Variants in HFM1 observed in about 807,000 individuals in gnomAD.
HFM1 encodes probable ATP-dependent DNA helicase HFM1.
Under a neutral mutation model 192.1 loss-of-function variants are expected in HFM1, and 169 were observed. The ratio of observed to expected loss-of-function variants is 0.88; its 90% confidence interval spans 0.78 to 1.00. The LOEUF (loss-of-function observed/expected upper bound fraction) is 1.00. Among genes scored for constraint, HFM1 ranks in the 50% least tolerant of loss-of-function variants. The pLI is 0.00. For missense variants in HFM1, 1,661 were observed against 1,668.0 expected, an observed-to-expected ratio of 1.00 and a Z score of 0.07; for synonymous variants, 525 against 537.8, an observed-to-expected ratio of 0.98 and a Z score of 0.33.
At chr1:91,275,504 A>C (rs140661186) in intron 32 of HFM1, among the ~76,000 whole-genome samples, 4 of 152,144 alleles carry the variant, frequency 2.6e-5, no homozygotes, top group Admixed American at 2.0e-4. Context: ...CTCTAAATTC[A>C]GTGTTTCCCA....
At position 91,291,080 on chromosome 1, in the gene HFM1, A is replaced by C. The variant is rs998153774; in HGVS notation, c.3392-14018T>G. On this transcript the variant is annotated intron_variant, in intron 30 of 38. Coordinates refer to ENST00000370425, the MANE Select transcript of HFM1 (RefSeq NM_001017975.6). ...TGTAGAGGGAAATTTATAGCACTAA[A>C]TGCCCACAATAGAAAGCAGAAAAGA... Among the ~76,000 whole-genome samples the C allele has an allele frequency of 2.4e-4, 36 of 152,182 alleles. 1 individual carries two copies. Among genetic ancestry groups the C allele is most frequent in the African/African-American group, 8.7e-4 (36 of 41,434 alleles).
intron 30 of HFM1, among the ~76,000 whole-genome samples, chr1:91,290,355 G>A (rs535277559): frequency 6.6e-6 from 1 of 152,194 alleles, no homozygotes; most frequent in South Asian, 2.1e-4. Flanking sequence ...GATGGAGGAA[G>A]ATCTACCAAG....
rs112309857 is a variant in HFM1 at position 91,309,440 on chromosome 1, T to C, written c.3391+3909A>G. On this transcript the variant is annotated intron_variant, in intron 30 of 38. Coordinates refer to ENST00000370425, the MANE Select transcript of HFM1 (RefSeq NM_001017975.6). ...AAAATATAAAATAAAATGAAACAAA[T>C]GAAAGTATATGTATCCAGAGTGGCA... 2.1e-3 allele frequency among the ~76,000 whole-genome samples: 324 copies of C among 152,324 alleles called. 1 individual carries two copies. The highest frequency in any genetic ancestry group is 7.4e-3 in the African/African-American group (306 of 41,578).
intron 13 of HFM1, among the ~76,000 whole-genome samples, chr1:91,363,359 A>T (rs1658781351): frequency 6.7e-6 from 1 of 150,312 alleles, no homozygotes; most frequent in South Asian, 2.1e-4. Flanking sequence ...CAACCCCATT[A>T]AAAAGCGGGC....
chr1:91,272,035 T>C (rs1355923284), intron 34 of HFM1, among the ~76,000 whole-genome samples: 1 of 152,152 alleles, frequency 6.6e-6, no homozygotes, highest in Non-Finnish European at 1.5e-5. Context: ...TCTTCCCTTT[T>C]TGAAATTGGA....
At position 91,316,383 on chromosome 1, in the gene HFM1, A is replaced by G. The variant is rs373949493; in HGVS notation, c.2898+8T>C. 3.4e-6 allele frequency: 5 copies of G among 1,464,632 alleles called. No homozygotes were observed. The South Asian group carries it at 4.9e-5, about 14-fold the overall frequency. 90.7% of individuals were successfully genotyped at this position (1,464,632 alleles called of 1,614,324 possible). ...TAGATGGAATTAGGAATAAGTGAAT[A>G]TAACTACCAATTCAAGTTCCCTTGC... is the stretch of plus-strand genomic sequence containing the variant. On this transcript the variant is annotated splice_region_variant and intron_variant, in intron 26 of 38. Transcript: ENST00000370425.
intron 1 of HFM1, among the ~76,000 whole-genome samples, chr1:91,403,428 G>A (rs1002758375): frequency 3.9e-5 from 6 of 152,054 alleles, no homozygotes; most frequent in Admixed American, 3.3e-4. Flanking sequence ...AATCATGAAG[G>A]TTCTAAAAGA....
rs778973359 is a variant in HFM1, at chr1:91,378,064, T to C, written c.1356A>G (p.Arg452=). 1 of 1,612,414 alleles carries C rather than the reference T, an allele frequency of 6.2e-7. No individual in the cohort carries two copies. Among genetic ancestry groups the C allele is most frequent in the Non-Finnish European group, 8.5e-7 (1 of 1,178,970 alleles). ...LKNTSTAIPM[R]FVAVSATIPN... Reference sequence around the variant, plus strand: ...GAATTGTTGCAGATACAGCTACAAATCGCATTGGAATAGCAGTGCTGGTAT... The same window carrying C: ...GAATTGTTGCAGATACAGCTACAAACCGCATTGGAATAGCAGTGCTGGTAT... The change falls in exon 11 of 39, where the codon CGA becomes CGG. Residue 452 remains arginine, a synonymous_variant. Coordinates refer to ENST00000370425, the MANE Select transcript of HFM1 (RefSeq NM_001017975.6).
intron 30 of HFM1, among the ~76,000 whole-genome samples, chr1:91,304,000 G>A (rs771368612): frequency 1.5e-4 from 23 of 152,058 alleles, no homozygotes; most frequent in East Asian, 1.4e-3. Flanking sequence ...GATTACAGGC[G>A]TGCACCAACA....
intron 25 of HFM1, among the ~76,000 whole-genome samples, chr1:91,316,683 T>C (rs1395609775): frequency 6.6e-6 from 1 of 152,190 alleles, no homozygotes; most frequent in African/African-American, 2.4e-5. Flanking sequence ...ACAAATAAAA[T>C]ATGCATTTGC....
intron 21 of HFM1, 89 bp downstream of exon 21, chr1:91,324,586 A>C (rs991496330): frequency 1.5e-6 from 1 of 665,670 alleles, no homozygotes; most frequent in Non-Finnish European, 2.7e-6. Flanking sequence ...TCATTCTTAA[A>C]TTATATGAGA....
chr1:91,320,138 A>T (rs892733183), intron 23 of HFM1, among the ~76,000 whole-genome samples: 4 of 152,204 alleles, frequency 2.6e-5, no homozygotes, highest in Non-Finnish European at 5.9e-5. Flanking sequence ...TCTTAAGGGG[A>T]TCTCTTTTAA....
At chr1:91,336,781 C>T (rs1174952031) in intron 20 of HFM1, among the ~76,000 whole-genome samples, 4 of 152,164 alleles carry the variant, frequency 2.6e-5, no homozygotes, top group African/African-American at 7.2e-5. Context: ...TACATGCACA[C>T]GTATGTTCAC....
At chr1:91,324,653 T>A (rs1394189828) in intron 21 of HFM1, 22 bp downstream of exon 21, 2 of 1,077,118 alleles carry the variant, frequency 1.9e-6, no homozygotes, top group Non-Finnish European at 2.9e-6. Flanking sequence ...ATGTATTTTT[T>A]TTCTAGTGAA....
chr1:91,277,962 TTTATATACATTATA>T (rs1667104758), intron 30 of HFM1, among the ~76,000 whole-genome samples: 1 of 139,838 alleles, frequency 7.2e-6, no homozygotes, highest in South Asian at 2.1e-4. Flanking sequence ...TTATATATAC[TTTATATACATTATA>T]TTATATATAT....
In HFM1 at chr1:91,378,047, G is replaced by C; in HGVS notation, c.1373C>G (p.Ala458Gly). The C allele has an allele frequency of 3.1e-6, 5 of 1,611,804 alleles. No individual in the cohort carries two copies. The highest frequency in any genetic ancestry group is 4.2e-6 in the Non-Finnish European group (5 of 1,178,718). ...AIPMRFVAVS[A>G]TIPNAEDIAE... ...CACATCCTCAGCATTTGGAATTGTT[G>C]CAGATACAGCTACAAATCGCATTGG... Residue 458 changes from alanine (A) to glycine (G), a missense_variant, in exon 11 of 39, where the codon GCA (alanine) becomes GGA (glycine). By Grantham distance (60) the Ala-to-Gly change is moderately conservative (BLOSUM62 0). Coordinates refer to ENST00000370425, the MANE Select transcript of HFM1 (RefSeq NM_001017975.6).
At chr1:91,328,301 T>G (rs1653233449) in intron 20 of HFM1, 1 of 1,275,264 alleles carries the variant, frequency 7.8e-7, no homozygotes, top group African/African-American at 1.5e-5. Flanking sequence ...TAGGACCGCC[T>G]GCCCAGGGCA....
chr1:91,276,726 G>A lies in HFM1; in HGVS notation c.3490C>T (p.Gln1164Ter), dbSNP rs1179064123. 12 of 1,497,790 alleles carry A rather than the reference G, an allele frequency of 8.0e-6. No individual in the cohort carries two copies. The highest frequency in any genetic ancestry group is 1.1e-5 in the Non-Finnish European group (12 of 1,112,856). The allele number at this position is 1,497,790 out of a possible 1,614,324, so 92.8% of individuals were successfully genotyped here. ...GTTGACTCTTTAATTTCTGACTTCT[G>A]TGCAACTCCAATTTTACCTATGAAA... Reference protein sequence around the residue: ...GHDCCKIGVAQKSEIKESTIS... With the variant: ...GHDCCKIGVA Residue 1164 changes from glutamine to a stop codon, truncating the protein, a stop_gained, in exon 32 of 39, where the codon CAG becomes TAG. Transcript: ENST00000370425. LOFTEE classifies it high-confidence loss of function.
Position 91,291,775 on chromosome 1 carries a change from T to C in HFM1, c.3392-14713A>G, listed in dbSNP as rs1330890041. ...AAAAGAGAATTTTAGACCAATATCC[T>C]TGATGAACATTGATGCAAAAATCCT... On this transcript the variant is annotated intron_variant, in intron 30 of 38. Transcript: ENST00000370425. Among the ~76,000 whole-genome samples, 8 of 152,022 alleles carry C rather than the reference T, an allele frequency of 5.3e-5. No homozygotes were observed. The South Asian group carries it at 8.3e-4, about 16-fold the overall frequency.
Sources: allele counts gnomAD v4.1 joint callset (sites outside exome capture counted in the v4.1 genomes callset), GRCh38; gene constraint gnomAD v4.1.1; transcripts MANE v1.5; gene names NCBI Gene and HGNC (gene_info 2026-07-23, HGNC 2026-07-21).